Variants in SLCO1B1 observed in about 807,000 individuals in gnomAD.
SLCO1B1 encodes the protein solute carrier organic anion transporter family member 1B1.
A neutral mutation model predicts 70.1 loss-of-function variants in SLCO1B1; 81 were observed. The observed-to-expected ratio is 1.16, with a 90% CI of 0.97 to 1.39. The LOEUF (loss-of-function observed/expected upper bound fraction) is 1.39. SLCO1B1 is among the 40% of genes most tolerant of loss of function. SLCO1B1 has a pLI of 0.00. For missense variants in SLCO1B1, 895 were observed against 799.6 expected (o/e 1.12, Z -1.44); for synonymous variants, 283 against 271.5 (o/e 1.04, Z -0.42).
chr12:21,200,139 T>A (rs987905151), intron 8 of SLCO1B1, among the ~76,000 whole-genome samples: 2 of 152,090 alleles, frequency 1.3e-5, no homozygotes, highest in Admixed American at 1.3e-4. Flanking sequence ...TATTGTCTGG[T>A]ACCCAGTTGA....
intron 2 of SLCO1B1, among the ~76,000 whole-genome samples, chr12:21,156,646 C>T (rs1352211493): frequency 6.6e-6 from 1 of 151,874 alleles, no homozygotes; most frequent in Non-Finnish European, 1.5e-5. Context: ...AAAGATAAAG[C>T]AAAACAATGT....
chr12:21,220,049 C>T (rs543500302), intron 12 of SLCO1B1, among the ~76,000 whole-genome samples: 9 of 152,308 alleles, frequency 5.9e-5, no homozygotes, highest in African/African-American at 2.2e-4. Flanking sequence ...GCCTGAGCCA[C>T]AGCACCTGGC....
At chr12:21,182,487 G>T (rs1746144667) in intron 7 of SLCO1B1, among the ~76,000 whole-genome samples, 1 of 152,126 alleles carries the variant, frequency 6.6e-6, no homozygotes, top group South Asian at 2.1e-4. Context: ...AGACAGCGGG[G>T]CCAACTTTCC....
intron 2 of SLCO1B1, among the ~76,000 whole-genome samples, chr12:21,164,676 C>T (rs965158839): frequency 3.9e-5 from 6 of 151,982 alleles, no homozygotes; most frequent in African/African-American, 4.8e-5. Context: ...TCAAATAATC[C>T]GTGTTATTTC....
chr12:21,219,916 C>T (rs1025548066), intron 12 of SLCO1B1, among the ~76,000 whole-genome samples: 46 of 152,248 alleles, frequency 3.0e-4, no homozygotes, highest in African/African-American at 1.1e-3. Context: ...TGCACGCCAC[C>T]GTGCCTGACT....
chr12:21,219,611 A>C (rs1237511605), intron 12 of SLCO1B1, among the ~76,000 whole-genome samples: 1 of 152,214 alleles, frequency 6.6e-6, no homozygotes, highest in Non-Finnish European at 1.5e-5. Flanking sequence ...TTGTGAAAAC[A>C]ATAGTGAAGT....
intron 12 of SLCO1B1, among the ~76,000 whole-genome samples, chr12:21,221,332 A>T (rs1285487875): frequency 6.6e-6 from 1 of 152,164 alleles, no homozygotes; most frequent in African/African-American, 2.4e-5. Flanking sequence ...CAATAGAAAG[A>T]AAGAAAAGGT....
chr12:21,226,454 G>A (rs1185632213), intron 14 of SLCO1B1, among the ~76,000 whole-genome samples: 1 of 151,750 alleles, frequency 6.6e-6, no homozygotes, highest in African/African-American at 2.4e-5. Flanking sequence ...AATTAAAGAA[G>A]CTTCTGACTG....
chr12:21,181,194 T>C (rs886474086), intron 7 of SLCO1B1, among the ~76,000 whole-genome samples: 4 of 152,168 alleles, frequency 2.6e-5, no homozygotes, highest in Admixed American at 6.5e-5. Context: ...CTGATTGGTT[T>C]CCAAGAAAAT....
intron 7 of SLCO1B1, among the ~76,000 whole-genome samples, chr12:21,190,243 C>A (rs1941013910): frequency 6.6e-6 from 1 of 152,182 alleles, no homozygotes; most frequent in African/African-American, 2.4e-5. Context: ...GTGACTGTTC[C>A]CAGTAAGGGG....
intron 7 of SLCO1B1, among the ~76,000 whole-genome samples, chr12:21,193,980 A>C (rs1357123953): frequency 6.6e-6 from 1 of 152,042 alleles, no homozygotes; most frequent in Non-Finnish European, 1.5e-5. Flanking sequence ...TTTAGTAGAG[A>C]TGGGGTTTCA....
rs184646667 is a variant in SLCO1B1 at position 21,135,390 on chromosome 12, G to A, written c.-62+4154G>A. Among the ~76,000 whole-genome samples, 927 of 152,178 alleles carry A rather than the reference G, an allele frequency of 6.1e-3. 12 individuals are homozygous for A. The highest frequency in any genetic ancestry group is 0.021 in the African/African-American group (882 of 41,488). On this transcript the variant is annotated intron_variant, in intron 1 of 14. Transcript: ENST00000256958. The stretch of plus-strand genomic sequence containing the variant: ...CTGAGTTCAATTCCTGGGTATCCTT[G>A]TTAACTTTCTGTCTCATTGATCTGT...
intron 11 of SLCO1B1, among the ~76,000 whole-genome samples, chr12:21,206,538 A>C (rs1363826500): frequency 6.6e-6 from 1 of 151,908 alleles, no homozygotes; most frequent in Admixed American, 6.6e-5. Context: ...TCAAGGCTTC[A>C]TGCTCACTTG....
chr12:21,201,560 T>C (rs1564364), intron 9 of SLCO1B1, among the ~76,000 whole-genome samples: 56,544 of 152,012 alleles, frequency 0.37, 12,713 homozygotes, highest in Non-Finnish European at 0.5. Context: ...TGTTTTTTAA[T>C]AAATGACAAA....
chr12:21,192,755 G>T (rs1264898319), intron 7 of SLCO1B1, among the ~76,000 whole-genome samples: 1 of 151,986 alleles, frequency 6.6e-6, no homozygotes, highest in Admixed American at 6.6e-5. Flanking sequence ...AGCAAACAAT[G>T]CCAGATGCTA....
chr12:21,141,638 A>G lies in SLCO1B1; in HGVS notation c.64A>G (p.Arg22Gly). ...ACAACCTTCAGAGAATAAGAAAACA[A>G]GATACTGCAATGGATTGAAGGTAGA... is the stretch of plus-strand genomic sequence containing the variant. ...EAQPSENKKT[R>G]YCNGLKMFLA... The change falls in exon 2 of 15, where the codon AGA (arginine) becomes GGA (glycine). Residue 22 changes from arginine (R) to glycine (G), a missense_variant. Coordinates refer to ENST00000256958, the MANE Select transcript of SLCO1B1 (RefSeq NM_006446.5). 6.2e-7 allele frequency: 1 copy of G among 1,605,526 alleles called. No individual in the cohort carries two copies. Among genetic ancestry groups the G allele is most frequent in the Non-Finnish European group, 8.5e-7 (1 of 1,173,306 alleles).
At chr12:21,199,017 G>C (rs1941127037) in intron 8 of SLCO1B1, among the ~76,000 whole-genome samples, 1 of 152,102 alleles carries the variant, frequency 6.6e-6, no homozygotes, top group Non-Finnish European at 1.5e-5. Flanking sequence ...CCTGTGGAGA[G>C]AAATGTGGCA....
intron 1 of SLCO1B1, among the ~76,000 whole-genome samples, chr12:21,131,456 T>A (rs532910453): frequency 6.6e-6 from 1 of 152,058 alleles, no homozygotes; most frequent in Non-Finnish European, 1.5e-5. Flanking sequence ...AAATAATACC[T>A]TTATATATTT....
chr12:21,146,377 T>C (rs1418729271), intron 2 of SLCO1B1, among the ~76,000 whole-genome samples: 4 of 152,124 alleles, frequency 2.6e-5, no homozygotes, highest in Non-Finnish European at 5.9e-5. Context: ...TTATTAATCT[T>C]TCTAAAGAAT....
Sources: allele counts gnomAD v4.1 joint callset (sites outside exome capture counted in the v4.1 genomes callset), GRCh38; gene constraint gnomAD v4.1.1; transcripts MANE v1.5; gene names NCBI Gene and HGNC (gene_info 2026-07-23, HGNC 2026-07-21).